Variants in MRPL3 observed in about 807,000 individuals in gnomAD.
MRPL3 encodes the protein mitochondrial ribosomal protein L3, also known as large ribosomal subunit protein uL3m.
MRPL3 carries 43 observed loss-of-function variants against 44.3 expected under a neutral mutation model. That is an observed-to-expected ratio of 0.97 (90% CI 0.76 to 1.25). MRPL3 has a LOEUF of 1.25. Ranked by LOEUF, MRPL3 falls within the 50% of genes most tolerant of loss-of-function variation. The pLI, the probability that MRPL3 is intolerant of heterozygous loss-of-function variation, is 0.00. For missense variants in MRPL3, 406 were observed against 427.6 expected, an observed-to-expected ratio of 0.95 and a Z score of 0.45; for synonymous variants, 171 against 152.3, an observed-to-expected ratio of 1.12 and a Z score of -0.91.
At chr3:131,494,501 A>G (rs1934324536) in intron 4 of MRPL3, among the ~76,000 whole-genome samples, 1 of 152,190 alleles carries the variant, frequency 6.6e-6, no homozygotes, top group Admixed American at 6.5e-5. Flanking sequence ...TTTTCAAAGC[A>G]TATTATTTTG....
rs200641668 is a variant in MRPL3, at chr3:131,468,124, G to A, written c.861C>T (p.Gly287=). The A allele has an allele frequency of 5.6e-6, 9 of 1,593,016 alleles. No individual in the cohort carries two copies. Among genetic ancestry groups the A allele is most frequent in the African/African-American group, 4.1e-5 (3 of 73,466 alleles). The change falls in exon 9 of 10, where the codon GGC becomes GGT. Residue 287 remains glycine, a synonymous_variant. Coordinates refer to ENST00000264995, the MANE Select transcript of MRPL3 (RefSeq NM_007208.4). ...NTKHNIIYVN[G]SVPGHKNCLV... ...AGCAATTTTTATGTCCAGGTACAGA[G>A]CCATTTACATAGATTATGTTGTGCT...
chr3:131,469,772 T>A lies in MRPL3; in HGVS notation c.740A>T (p.Asp247Val). ...AGTTCCAGGCCAGACTCTGCCAATA[T>A]CCTAAATGAGAAAACTAAAGTTAAC... ...HRRPGAVATGDIGRVWPGTKM... is the reference protein window; with the variant it reads ...HRRPGAVATGVIGRVWPGTKM... The change falls in exon 8 of 10, where the codon GAT (aspartate) becomes GTT (valine). Residue 247 changes from aspartate (D) to valine (V), a missense_variant and splice_region_variant. Physicochemically the swap from Asp to Val is radical, Grantham distance 152 (BLOSUM62 -3). Transcript: ENST00000264995. The A allele has an allele frequency of 1.4e-5, 23 of 1,609,594 alleles. No individual in the cohort carries two copies. The highest frequency in any genetic ancestry group is 1.9e-5 in the Non-Finnish European group (22 of 1,176,970).
intron 4 of MRPL3, among the ~76,000 whole-genome samples, chr3:131,493,244 G>A (rs1934296932): frequency 6.6e-6 from 1 of 152,148 alleles, no homozygotes; most frequent in Non-Finnish European, 1.5e-5. Context: ...ATGTATCTGT[G>A]TTCGTTTTAT....
intron 6 of MRPL3, chr3:131,478,964 A>T: frequency 1.1e-5 from 4 of 353,704 alleles, no homozygotes; most frequent in South Asian, 8.8e-5. Context: ...AAGTGCTGGG[A>T]TTACAGGTGT....
chr3:131,492,860 A>G (rs1386855966), intron 4 of MRPL3, among the ~76,000 whole-genome samples: 1 of 152,160 alleles, frequency 6.6e-6, no homozygotes, highest in Non-Finnish European at 1.5e-5. Context: ...TGTAAATATC[A>G]CTACAACCAG....
At chr3:131,493,856 C>T (rs1934308524) in intron 4 of MRPL3, among the ~76,000 whole-genome samples, 1 of 152,150 alleles carries the variant, frequency 6.6e-6, no homozygotes, top group African/African-American at 2.4e-5. Context: ...AAACCCTAAC[C>T]AACTCAAGAT....
intron 6 of MRPL3, among the ~76,000 whole-genome samples, chr3:131,472,497 G>GTTA (rs1933763064): frequency 6.6e-6 from 1 of 152,130 alleles, no homozygotes; most frequent in Non-Finnish European, 1.5e-5. Context: ...ACATACTGAT[G>GTTA]TTATGCTTTC....
chr3:131,486,393 C>CA (rs1314965958), intron 6 of MRPL3, among the ~76,000 whole-genome samples: 31 of 88,908 alleles, frequency 3.5e-4, no homozygotes, highest in African/African-American at 1.2e-3. Context: ...AAAAAAAAAC[C>CA]AAAAAAAACT....
chr3:131,489,469 A>T (rs1380668551), intron 5 of MRPL3, among the ~76,000 whole-genome samples: 3 of 152,152 alleles, frequency 2.0e-5, no homozygotes, highest in Admixed American at 2.0e-4. Context: ...AAGTTCAGAC[A>T]TCAAAATGTT....
chr3:131,479,839 C>A (rs573835791), intron 6 of MRPL3, among the ~76,000 whole-genome samples: 44 of 152,004 alleles, frequency 2.9e-4, no homozygotes, highest in Admixed American at 2.3e-3. Context: ...AGCGAGACTC[C>A]GTCTCAAAAA....
intron 6 of MRPL3, among the ~76,000 whole-genome samples, chr3:131,480,946 T>G (rs6776723): frequency 6.6e-6 from 1 of 152,184 alleles, no homozygotes; most frequent in Non-Finnish European, 1.5e-5. Flanking sequence ...TTAAAGATAA[T>G]GAAATCGAAA....
At chr3:131,467,689 T>C (rs1239358614) in intron 9 of MRPL3, among the ~76,000 whole-genome samples, 3 of 151,962 alleles carry the variant, frequency 2.0e-5, no homozygotes, top group East Asian at 1.9e-4. Flanking sequence ...GAGGCCTCCC[T>C]AGCCATGCTT....
At chr3:131,491,068 T>G (rs1460622687) in intron 4 of MRPL3, among the ~76,000 whole-genome samples, 1 of 152,230 alleles carries the variant, frequency 6.6e-6, no homozygotes, top group African/African-American at 2.4e-5. Flanking sequence ...CATGTCACAA[T>G]AATTCACATA....
chr3:131,468,039 G>T, intron 9 of MRPL3, 52 bp downstream of exon 9: 2 of 894,412 alleles, frequency 2.2e-6, no homozygotes, highest in Non-Finnish European at 3.2e-6. Context: ...GTTAGCTTGC[G>T]AGTAAGAAAC....
chr3:131,490,115 G>GA (rs776827400), intron 4 of MRPL3, 35 bp from the exon 5 acceptor site: 1 of 1,414,946 alleles, frequency 7.1e-7, no homozygotes, highest in Non-Finnish European at 1.0e-6. Context: ...GTAATACATT[G>GA]AATATTAAAA....
chr3:131,479,355 GA>G, intron 6 of MRPL3: 2 of 232,338 alleles, frequency 8.6e-6, no homozygotes, highest in Non-Finnish European at 1.8e-5. Context: ...ACTTCTTTAA[GA>G]ATACACCCAA....
intron 1 of MRPL3, among the ~76,000 whole-genome samples, chr3:131,502,303 A>G (rs779117723): frequency 1.3e-5 from 2 of 152,246 alleles, no homozygotes; most frequent in Non-Finnish European, 2.9e-5. Flanking sequence ...TTTTGTAGTC[A>G]GATAAATTCA....
At chr3:131,464,484 G>A (rs1191813927) in intron 9 of MRPL3, among the ~76,000 whole-genome samples, 2 of 151,940 alleles carry the variant, frequency 1.3e-5, no homozygotes, top group Admixed American at 6.6e-5. Flanking sequence ...TTCCCTGCCT[G>A]CACCAAGACT....
At chr3:131,465,618 T>TA (rs146123035) in intron 9 of MRPL3, among the ~76,000 whole-genome samples, 1 of 152,170 alleles carries the variant, frequency 6.6e-6, no homozygotes, top group African/African-American at 2.4e-5. Flanking sequence ...ACTTTTATTA[T>TA]AAAAAATAAT....
Sources: gnomAD v4.1 joint callset for allele counts (sites outside exome capture counted in the v4.1 genomes callset) on GRCh38, gnomAD v4.1.1 for gene constraint, MANE v1.5 for transcripts, NCBI Gene and HGNC (gene_info 2026-07-23, HGNC 2026-07-21) for gene names.